Variants in KLRG1 observed in about 807,000 individuals in gnomAD.
The protein encoded by KLRG1 is killer cell lectin-like receptor subfamily G member 1.
KLRG1 carries 16 observed loss-of-function variants against 21.8 expected under a neutral mutation model. The ratio of observed to expected loss-of-function variants is 0.73; its 90% CI spans 0.50 to 1.11. The LOEUF (loss-of-function observed/expected upper bound fraction) is 1.11. Among genes scored for constraint, KLRG1 ranks in the 50% most tolerant of loss-of-function variants. KLRG1 has a pLI of 0.00. For missense variants in KLRG1, 173 were observed against 218.3 expected (o/e 0.79, Z 1.31); for synonymous variants, 69 against 75.9 (o/e 0.91, Z 0.47).
At chr12:9,204,586 TCAA>T in the KLRG1 span, among the ~76,000 whole-genome samples, 1 of 152,196 alleles carries the variant, frequency 6.6e-6, no homozygotes, top group African/African-American at 2.4e-5. Context: ...CAATATTTTA[TCAA>T]CGAGTTTGAA....
At chr12:9,008,815 C>T (rs7302472) in intron 3 of KLRG1, among the ~76,000 whole-genome samples, 160 bp from the exon 4 acceptor site, 2 of 151,772 alleles carry the variant, frequency 1.3e-5, no homozygotes, top group Non-Finnish European at 1.5e-5. Context: ...GATTTTAGGA[C>T]GCATTCAGTC....
chr12:9,037,965 C>T, the KLRG1 span, among the ~76,000 whole-genome samples: 52 of 152,138 alleles, frequency 3.4e-4, no homozygotes, highest in Non-Finnish European at 6.0e-4. Context: ...TTCAGTGATA[C>T]CTGTGTTAAA....
chr12:9,158,341 T>C, the KLRG1 span: 1 of 1,544,950 alleles, frequency 6.5e-7, no homozygotes, highest in Non-Finnish European at 8.8e-7. Context: ...GCAATTTCCT[T>C]GTGCCTCCTT....
the KLRG1 span, among the ~76,000 whole-genome samples, chr12:9,016,497 G>C: frequency 1.3e-4 from 20 of 152,176 alleles, no homozygotes; most frequent in African/African-American, 4.8e-4. Flanking sequence ...CAGGTAATGA[G>C]GTTGAAGCTG....
At chr12:9,134,500 G>A in the KLRG1 span, among the ~76,000 whole-genome samples, 4 of 152,086 alleles carry the variant, frequency 2.6e-5, no homozygotes, top group Non-Finnish European at 4.4e-5. Context: ...GTACAACATT[G>A]TAGAGCAAAT....
At chr12:9,105,631 G>A in the KLRG1 span, among the ~76,000 whole-genome samples, 1 of 152,112 alleles carries the variant, frequency 6.6e-6, no homozygotes, top group South Asian at 2.1e-4. Context: ...AATTGTAAGA[G>A]AAGATTTTTT....
the KLRG1 span, chr12:9,115,165 CTCTATTA>C: frequency 1.3e-5 from 2 of 152,388 alleles, no homozygotes; most frequent in Non-Finnish European, 2.9e-5. Flanking sequence ...TCACCTAGTA[CTCTATTA>C]TCAAGAATCC....
the KLRG1 span, among the ~76,000 whole-genome samples, chr12:9,146,270 T>C: frequency 1.3e-5 from 2 of 151,966 alleles, no homozygotes; most frequent in Non-Finnish European, 2.9e-5. Flanking sequence ...GGTGTTCAAA[T>C]TAACTGATCT....
the KLRG1 span, among the ~76,000 whole-genome samples, chr12:9,061,385 A>G: frequency 6.6e-6 from 1 of 152,168 alleles, no homozygotes; most frequent in African/African-American, 2.4e-5. Context: ...TTGGCCTCCC[A>G]AAGTGCTAGG....
the KLRG1 span, among the ~76,000 whole-genome samples, chr12:9,063,405 T>C: frequency 6.6e-6 from 1 of 152,202 alleles, no homozygotes; most frequent in African/African-American, 2.4e-5. Context: ...TGTATCATAT[T>C]TCAAAATAAA....
At chr12:9,115,939 T>G in the KLRG1 span, 1 of 1,041,834 alleles carries the variant, frequency 9.6e-7, no homozygotes, top group East Asian at 2.4e-5. Context: ...CCAAAGCAAC[T>G]GGGCTTTATG....
chr12:9,161,375 ATAT>A, the KLRG1 span, among the ~76,000 whole-genome samples: 1 of 152,232 alleles, frequency 6.6e-6, no homozygotes, highest in African/African-American at 2.4e-5. Flanking sequence ...GTTAGCAGTA[ATAT>A]TATTATATCT....
chr12:9,205,056 C>T, the KLRG1 span, among the ~76,000 whole-genome samples: 1 of 151,910 alleles, frequency 6.6e-6, no homozygotes, highest in African/African-American at 2.4e-5. Flanking sequence ...TATGATTGCA[C>T]CAGTGCTTTC....
Position 9,009,002 on chromosome 12 carries a change from G to T in KLRG1, c.385G>T (p.Ala129Ser). ...MSLLQVFLSE[A>S]FCWIGLRNNS... is the part of the protein sequence containing the mutation. ...CCTGCTCCAAGTTTTCCTCAGTGAG[G>T]CCTTTTGCTGGATTGGTCTGAGGAA... The change falls in exon 4 of 5, where the codon GCC becomes TCC. Residue 129 changes from alanine (A) to serine (S), a missense_variant. Coordinates refer to ENST00000356986, the MANE Select transcript of KLRG1 (RefSeq NM_005810.4). The T allele has an allele frequency of 6.2e-7, 1 of 1,613,878 alleles. No homozygotes were observed. Among genetic ancestry groups the T allele is most frequent in the Non-Finnish European group, 8.5e-7 (1 of 1,179,886 alleles).
chr12:8,983,031 A>T (rs940098109), intron 1 of KLRG1, among the ~76,000 whole-genome samples: 2 of 152,216 alleles, frequency 1.3e-5, no homozygotes, highest in Non-Finnish European at 2.9e-5. Flanking sequence ...TCCATTTATG[A>T]TGAATTCAAT....
the KLRG1 span, among the ~76,000 whole-genome samples, chr12:9,172,367 A>T: frequency 6.6e-6 from 1 of 152,200 alleles, no homozygotes; most frequent in Middle Eastern, 3.2e-3. Flanking sequence ...AAGAAAGACC[A>T]TTACCAGCCA....
chr12:9,164,523 C>T, the KLRG1 span, among the ~76,000 whole-genome samples: 3 of 152,182 alleles, frequency 2.0e-5, no homozygotes, highest in African/African-American at 7.2e-5. Flanking sequence ...AAGGGAAAAG[C>T]AGTGATTGTA....
At chr12:8,978,103 G>C (rs1467967204) in intron 1 of KLRG1, among the ~76,000 whole-genome samples, 1 of 152,080 alleles carries the variant, frequency 6.6e-6, no homozygotes, top group Non-Finnish European at 1.5e-5. Context: ...TTTTATGTTA[G>C]GATTAAAACT....
the KLRG1 span, among the ~76,000 whole-genome samples, chr12:9,103,003 AG>A: frequency 6.6e-6 from 1 of 152,206 alleles, no homozygotes; most frequent in Non-Finnish European, 1.5e-5. Flanking sequence ...ATGTATCTAT[AG>A]ACATGTCTAC....
Sources: gnomAD v4.1 joint callset for allele counts (sites outside exome capture counted in the v4.1 genomes callset) on GRCh38, gnomAD v4.1.1 for gene constraint, MANE v1.5 for transcripts, NCBI Gene and HGNC (gene_info 2026-07-23, HGNC 2026-07-21) for gene names.